The following GALNTL6 variants were observed in gnomAD, a reference collection of about 807,000 sequenced individuals.
The protein encoded by GALNTL6 is polypeptide N-acetylgalactosaminyltransferase-like 6.
GALNTL6 carries 46 observed loss-of-function variants against 73.7 expected under a neutral mutation model. That is an observed-to-expected ratio of 0.62 (90% CI 0.49 to 0.80). The LOEUF (loss-of-function observed/expected upper bound fraction) is 0.80. Among genes scored for constraint, GALNTL6 ranks in the 30% least tolerant of loss-of-function variants. GALNTL6 has a pLI of 0.00. For missense variants in GALNTL6, 604 were observed against 755.0 expected (o/e 0.80, Z 2.34); for synonymous variants, 259 against 263.7 (o/e 0.98, Z 0.17).
intron 5 of GALNTL6, among the ~76,000 whole-genome samples, chr4:172,565,954 A>G (rs772321953): frequency 1.2e-4 from 18 of 152,166 alleles, no homozygotes; most frequent in Non-Finnish European, 2.4e-4. Flanking sequence ...GACATTATAT[A>G]TTAATAATTA....
chr4:172,350,683 T>C (rs572887338), intron 5 of GALNTL6, among the ~76,000 whole-genome samples: 262 of 152,272 alleles, frequency 1.7e-3, no homozygotes, highest in African/African-American at 6.0e-3. Flanking sequence ...TTGAAAGAAA[T>C]AGGTGATAAA....
At chr4:172,371,982 G>T (rs1472140055) in intron 5 of GALNTL6, among the ~76,000 whole-genome samples, 1 of 152,156 alleles carries the variant, frequency 6.6e-6, no homozygotes, top group African/African-American at 2.4e-5. Context: ...AAGCATACTT[G>T]CTATCTGTAT....
chr4:172,311,259 A>G (rs1740347365), intron 3 of GALNTL6, among the ~76,000 whole-genome samples: 1 of 152,216 alleles, frequency 6.6e-6, no homozygotes, highest in Non-Finnish European at 1.5e-5. Flanking sequence ...ATCAAATAAC[A>G]TCAACTATTG....
chr4:172,489,175 T>A (rs1402085375), intron 5 of GALNTL6, among the ~76,000 whole-genome samples: 1 of 152,198 alleles, frequency 6.6e-6, no homozygotes, highest in African/African-American at 2.4e-5. Context: ...ACCTGGAAAG[T>A]CATCCAGAGA....
At position 171,978,265 on chromosome 4, in the gene GALNTL6, T is replaced by C. The variant is rs148843328; in HGVS notation, c.138+163547T>C. On this transcript the variant is annotated intron_variant, in intron 2 of 12. Transcript: ENST00000506823. ...AGTTGTTATATATACTAACTATTAA[T>C]ACTTTCTGCTACAACACCCTTAAAA... Among the ~76,000 whole-genome samples, 69 of 152,312 alleles carry C rather than the reference T, an allele frequency of 4.5e-4. No homozygotes were observed. The East Asian group carries it at 8.5e-3, about 19-fold the overall frequency.
chr4:172,028,834 G>A (rs1011550204), intron 2 of GALNTL6, among the ~76,000 whole-genome samples: 3 of 151,914 alleles, frequency 2.0e-5, no homozygotes, highest in Non-Finnish European at 4.4e-5. Context: ...TTAGTACTTA[G>A]AAATGTAAAA....
chr4:171,992,565 A>G (rs527286747), intron 2 of GALNTL6, among the ~76,000 whole-genome samples: 19 of 152,232 alleles, frequency 1.2e-4, no homozygotes, highest in Middle Eastern at 3.4e-3. Flanking sequence ...TAGTTGGGAA[A>G]ATGAGAAATA....
At chr4:172,467,040 A>G (rs1452350942) in intron 5 of GALNTL6, among the ~76,000 whole-genome samples, 2 of 152,218 alleles carry the variant, frequency 1.3e-5, no homozygotes, top group African/African-American at 4.8e-5. Flanking sequence ...GGACTACTCT[A>G]AGTCACTAAC....
intron 2 of GALNTL6, among the ~76,000 whole-genome samples, chr4:171,976,555 T>A (rs1252686361): frequency 1.3e-5 from 2 of 152,172 alleles, no homozygotes; most frequent in Non-Finnish European, 2.9e-5. Context: ...TGAGAGATAT[T>A]GGTAAAGTTA....
intron 5 of GALNTL6, among the ~76,000 whole-genome samples, chr4:172,582,747 G>C (rs7376925): frequency 1.1e-4 from 16 of 142,722 alleles, no homozygotes; most frequent in South Asian, 2.3e-4. Context: ...CACACACACA[G>C]ACACACACAC....
At chr4:171,865,667 G>T (rs1175600251) in intron 2 of GALNTL6, among the ~76,000 whole-genome samples, 1 of 152,202 alleles carries the variant, frequency 6.6e-6, no homozygotes, top group African/African-American at 2.4e-5. Flanking sequence ...AATATGGATT[G>T]TGTCTAACTT....
At chr4:172,158,584 G>A (rs1260320692) in intron 2 of GALNTL6, among the ~76,000 whole-genome samples, 1 of 151,964 alleles carries the variant, frequency 6.6e-6, no homozygotes, top group African/African-American at 2.4e-5. Flanking sequence ...GACAGTCACT[G>A]ATCCAACAGA....
intron 2 of GALNTL6, among the ~76,000 whole-genome samples, chr4:171,899,408 T>C (rs1242291565): frequency 6.6e-6 from 1 of 152,072 alleles, no homozygotes; most frequent in Non-Finnish European, 1.5e-5. Flanking sequence ...TCAAATCAGC[T>C]CTGAGTCTAG....
chr4:172,596,460 GAAA>G (rs35054572), intron 5 of GALNTL6, among the ~76,000 whole-genome samples: 4,491 of 140,420 alleles, frequency 0.032, 108 homozygotes, highest in South Asian at 0.089. Context: ...AAAAAAAAAA[GAAA>G]AAAAAAAAAG....
At chr4:172,839,745 A>C (rs1243531086) in intron 7 of GALNTL6, among the ~76,000 whole-genome samples, 1 of 152,158 alleles carries the variant, frequency 6.6e-6, no homozygotes, top group African/African-American at 2.4e-5. Context: ...ATGTTGAATA[A>C]CCTTTGAGGC....
chr4:172,540,724 A>T (rs1735522562), intron 5 of GALNTL6, among the ~76,000 whole-genome samples: 1 of 152,180 alleles, frequency 6.6e-6, no homozygotes, highest in Non-Finnish European at 1.5e-5. Context: ...GGTTTTAAGG[A>T]TTCTTTATTT....
At chr4:172,132,306 A>G (rs1295560601) in intron 2 of GALNTL6, among the ~76,000 whole-genome samples, 1 of 152,102 alleles carries the variant, frequency 6.6e-6, no homozygotes, top group Non-Finnish European at 1.5e-5. Context: ...ACCCAATTTA[A>G]TAATATCTTT....
At chr4:172,334,319 G>C (rs1287318873) in intron 4 of GALNTL6, among the ~76,000 whole-genome samples, 1 of 152,070 alleles carries the variant, frequency 6.6e-6, no homozygotes, top group Non-Finnish European at 1.5e-5. Flanking sequence ...GGATTGTGTT[G>C]AATTTGTAAA....
chr4:172,888,315 T>C (rs1447183972), intron 8 of GALNTL6, among the ~76,000 whole-genome samples: 1 of 152,230 alleles, frequency 6.6e-6, no homozygotes, highest in Non-Finnish European at 1.5e-5. Flanking sequence ...TTTTTATAGC[T>C]TAAGGTCTTA....
Sources: allele counts gnomAD v4.1 joint callset (sites outside exome capture counted in the v4.1 genomes callset), GRCh38; gene constraint gnomAD v4.1.1; transcripts MANE v1.5; gene names NCBI Gene and HGNC (gene_info 2026-07-23, HGNC 2026-07-21).